Variants in RNF123 observed in about 807,000 individuals in gnomAD.
RNF123 encodes E3 ubiquitin-protein ligase RNF123.
Under a neutral mutation model 168.5 loss-of-function variants are expected in RNF123, and 86 were observed. The observed-to-expected ratio is 0.51, with a 90% confidence interval of 0.43 to 0.61. The LOEUF is 0.61. Ranked by LOEUF, RNF123 falls within the 20% of genes least tolerant of loss-of-function variation. The pLI, the probability that RNF123 is intolerant of heterozygous loss-of-function variation, is 0.00. For missense variants in RNF123, 1,419 were observed against 1,729.7 expected, an observed-to-expected ratio of 0.82 and a Z score of 3.19; for synonymous variants, 666 against 689.1, an observed-to-expected ratio of 0.97 and a Z score of 0.52.
chr3:49,714,010 CGAG>C lies in RNF123; in HGVS notation c.2925+15_2925+17del, dbSNP rs1559686048. On this transcript the variant is annotated intron_variant, in intron 30 of 38. Transcript: ENST00000327697. ...GCGGCTCTGGAGGGTAAGCCTGACT[CGAG>C]GGGAAGTGGCTGAGGCTGGCTGGAG... 2.5e-6 allele frequency: 4 copies of C among 1,613,996 alleles called. No homozygotes were observed. The highest frequency in any genetic ancestry group is 1.3e-5 in the African/African-American group (1 of 75,054).
chr3:49,720,664 TG>T lies in RNF123; in HGVS notation c.3643+13del, dbSNP rs2080383928. 6.3e-7 allele frequency: 1 copy of T among 1,596,194 alleles called. No individual in the cohort carries two copies. The highest frequency in any genetic ancestry group is 1.3e-5 in the African/African-American group (1 of 74,622). ...TCTCCCTGCAGAGCTGTGAGTGGGC[TG>T]GTGGGGCAGGTCAGGGAAATCTGGG... On this transcript the variant is annotated intron_variant, in intron 36 of 38. Transcript: ENST00000327697.
rs2054305337 is a variant in RNF123 at position 49,698,138 on chromosome 3, G to T, written c.483+1G>T. ...CATCAGCTGCCGCTTCAACCAGGAG[G>T]TACACGTTGGGGAGGGGACCCCTCC... On this transcript the variant is annotated splice_donor_variant, in intron 7 of 38. Transcript: ENST00000327697. LOFTEE classifies it high-confidence loss of function. 6.2e-7 allele frequency: 1 copy of T among 1,613,330 alleles called. No homozygotes were observed.
intron 7 of RNF123, 30 bp from the exon 8 acceptor site, chr3:49,698,410 C>T (rs1289956499): frequency 1.3e-6 from 2 of 1,595,160 alleles, no homozygotes; most frequent in East Asian, 4.5e-5. Context: ...GCCTGCCTCA[C>T]CAGGGACCTC....
intron 2 of RNF123, 70 bp from the exon 3 acceptor site, chr3:49,691,355 C>T (rs2054160851): frequency 6.3e-7 from 1 of 1,599,138 alleles, no homozygotes. Context: ...CCAGAAGTCT[C>T]TGGGGCCAGC....
chr3:49,717,979 A>C (rs751008658), intron 35 of RNF123: 1 of 1,613,488 alleles, frequency 6.2e-7, no homozygotes, highest in Non-Finnish European at 8.5e-7. Flanking sequence ...CTCGGAGCCT[A>C]TGGAGCTGGC....
At chr3:49,716,201 C>T (rs759332064) in intron 34 of RNF123, 24 bp downstream of exon 34, 5 of 1,611,306 alleles carry the variant, frequency 3.1e-6, no homozygotes, top group Non-Finnish European at 3.4e-6. Flanking sequence ...TGCCCTGCAC[C>T]CCAACACACT....
chr3:49,698,563 A>T, intron 8 of RNF123, 37 bp downstream of exon 8: 1 of 1,604,366 alleles, frequency 6.2e-7, no homozygotes, highest in Non-Finnish European at 8.5e-7. Context: ...CCGCCCCATG[A>T]CTGTTACTAC....
intron 27 of RNF123, 47 bp downstream of exon 27, chr3:49,712,703 A>G (rs781454102): frequency 1.9e-6 from 3 of 1,595,990 alleles, no homozygotes; most frequent in South Asian, 1.1e-5. Context: ...AGGGGTCTCT[A>G]GTGTGAGCCC....
At chr3:49,697,499 C>G (rs759445536) in intron 5 of RNF123, 42 bp downstream of exon 5, 1 of 1,456,738 alleles carries the variant, frequency 6.9e-7, no homozygotes, top group African/African-American at 1.4e-5. Context: ...CCAGCCCCTT[C>G]TGACATAGCC....
At position 49,698,973 on chromosome 3, in the gene RNF123, T is replaced by C. The variant is rs1164440493; in HGVS notation, c.639-7T>C. Reference sequence around the variant, plus strand: ...GCACTGGCTCACAGACCCACCCTTCTCCCCAGGAACGGTGTATCACTGGGC... The same window carrying C: ...GCACTGGCTCACAGACCCACCCTTCCCCCCAGGAACGGTGTATCACTGGGC... On this transcript the variant is annotated splice_region_variant and splice_polypyrimidine_tract_variant and intron_variant, in intron 9 of 38. Coordinates refer to ENST00000327697, the MANE Select transcript of RNF123 (RefSeq NM_022064.5). The C allele has an allele frequency of 6.2e-7, 1 of 1,613,662 alleles. No individual in the cohort carries two copies.
intron 21 of RNF123, 101 bp from the exon 22 acceptor site, chr3:49,704,549 C>A: frequency 1.0e-6 from 1 of 967,420 alleles, no homozygotes; most frequent in Non-Finnish European, 1.6e-6. Context: ...CTCTGCAAGG[C>A]CTCCTGCCCA....
intron 25 of RNF123, among the ~76,000 whole-genome samples, chr3:49,706,377 G>A (rs1383310288): frequency 1.3e-5 from 2 of 152,230 alleles, no homozygotes; most frequent in Non-Finnish European, 2.9e-5. Context: ...TGGCTCCACT[G>A]CACCCTCCGG....
rs530894450 is a variant in RNF123 at position 49,702,188 on chromosome 3, G to T, written c.1557+44G>T. The T allele has an allele frequency of 8.6e-5, 138 of 1,602,606 alleles. 1 individual carries two copies. The South Asian group carries it at 1.4e-3, about 17-fold the overall frequency. On this transcript the variant is annotated intron_variant, in intron 18 of 38. Coordinates refer to ENST00000327697, the MANE Select transcript of RNF123 (RefSeq NM_022064.5). ...CCCTGGGTGGGGCCCTGTGGGGAGG[G>T]ATGCTGCACTGGGCCTTAAGACCCA...
intron 31 of RNF123, 49 bp from the exon 32 acceptor site, chr3:49,715,526 G>A (rs1453872999): frequency 6.2e-7 from 1 of 1,609,752 alleles, no homozygotes; most frequent in African/African-American, 1.3e-5. Flanking sequence ...AACAGGCAGA[G>A]GCCACTGCAG....
intron 35 of RNF123, chr3:49,718,756 C>G: frequency 6.2e-7 from 1 of 1,613,212 alleles, no homozygotes; most frequent in Non-Finnish European, 8.5e-7. Flanking sequence ...GCTCAGGCCC[C>G]GCTGGTGCCA....
chr3:49,716,377 C>T lies in RNF123; in HGVS notation c.3416-16C>T. ...AGCATGTGGGTGGCTCATCTCTTTC[C>T]TCCCCTTCCCCTCAGGCCTAGAGAG... On this transcript the variant is annotated splice_polypyrimidine_tract_variant and intron_variant, in intron 34 of 38. Transcript: ENST00000327697. 1 of 1,611,854 alleles carries T rather than the reference C, an allele frequency of 6.2e-7. No homozygotes were observed. The highest frequency in any genetic ancestry group is 8.5e-7 in the Non-Finnish European group (1 of 1,178,432).
intron 12 of RNF123, 34 bp from the exon 13 acceptor site, chr3:49,700,193 G>T: frequency 6.2e-7 from 1 of 1,612,452 alleles, no homozygotes; most frequent in East Asian, 2.2e-5. Flanking sequence ...AGAGTGGAAG[G>T]CCACCACCTC....
intron 23 of RNF123, among the ~76,000 whole-genome samples, 161 bp from the exon 24 acceptor site, chr3:49,705,373 C>T (rs1186172079): frequency 6.6e-6 from 1 of 152,226 alleles, no homozygotes; most frequent in East Asian, 1.9e-4. Flanking sequence ...CACCGCAGGC[C>T]TTGCCCTGCA....
At chr3:49,690,857 C>T (rs7373388) in intron 1 of RNF123, among the ~76,000 whole-genome samples, 15 of 152,260 alleles carry the variant, frequency 9.9e-5, no homozygotes, top group South Asian at 8.3e-4. Context: ...TGTTATGGTT[C>T]GGCAAAAATA....
Sources: allele counts gnomAD v4.1 joint callset (sites outside exome capture counted in the v4.1 genomes callset), GRCh38; gene constraint gnomAD v4.1.1; transcripts MANE v1.5; gene names NCBI Gene and HGNC (gene_info 2026-07-23, HGNC 2026-07-21).